The following C12orf42 variants were observed in gnomAD, a reference collection of about 807,000 sequenced individuals.
The protein encoded by C12orf42 is chromosome 12 open reading frame 42.
A neutral mutation model predicts 21.6 loss-of-function variants in C12orf42; 25 were observed. The observed-to-expected ratio is 1.16, with a 90% confidence interval of 0.84 to 1.62. The LOEUF (loss-of-function observed/expected upper bound fraction) is 1.62, where lower values mean the gene tolerates loss of function less well. Ranked by LOEUF, C12orf42 falls within the 40% of genes most tolerant of loss-of-function variation. The pLI, the probability that C12orf42 is intolerant of heterozygous loss-of-function variation, is 0.00. For missense variants in C12orf42, 483 were observed against 459.3 expected (o/e 1.05, Z -0.47); for synonymous variants, 174 against 175.0 (o/e 0.99, Z 0.05).
intron 2 of C12orf42, among the ~76,000 whole-genome samples, chr12:103,426,296 C>T (rs553148075): frequency 3.1e-4 from 47 of 152,202 alleles, no homozygotes; most frequent in African/African-American, 9.4e-4. Flanking sequence ...AAACACAGCA[C>T]GAGAACTTCT....
chr12:103,183,127 G>T, the C12orf42 span, among the ~76,000 whole-genome samples: 2 of 152,186 alleles, frequency 1.3e-5, no homozygotes, highest in African/African-American at 4.8e-5. Context: ...CTGTCGCCAG[G>T]CTGGAGTACA....
chr12:103,234,217 G>T (rs965375527), downstream of C12orf42, among the ~76,000 whole-genome samples: 23 of 151,980 alleles, frequency 1.5e-4, no homozygotes, highest in African/African-American at 5.3e-4. Context: ...TTAAAAGTTT[G>T]TTGCTTTATT....
intron 2 of C12orf42, among the ~76,000 whole-genome samples, chr12:103,422,091 A>G (rs1009710242): frequency 6.6e-6 from 1 of 152,372 alleles, no homozygotes; most frequent in African/African-American, 2.4e-5. Flanking sequence ...TGTTGCTCAG[A>G]AAAGCAACAA....
At chr12:103,350,681 T>C (rs1477566157) in intron 4 of C12orf42, among the ~76,000 whole-genome samples, 1 of 152,144 alleles carries the variant, frequency 6.6e-6, no homozygotes, top group Non-Finnish European at 1.5e-5. Flanking sequence ...ACTCTTATAC[T>C]TTTTCAGTCC....
At chr12:103,161,903 C>G in the C12orf42 span, among the ~76,000 whole-genome samples, 1 of 152,132 alleles carries the variant, frequency 6.6e-6, no homozygotes, top group Non-Finnish European at 1.5e-5. Flanking sequence ...GAAATTGTTT[C>G]TTAGAAAACT....
intron 4 of C12orf42, among the ~76,000 whole-genome samples, chr12:103,337,152 G>T (rs1035427548): frequency 1.3e-5 from 2 of 152,196 alleles, no homozygotes; most frequent in African/African-American, 4.8e-5. Context: ...TCAAGAAGAA[G>T]CCAGAATAAA....
chr12:103,156,782 A>G, the C12orf42 span, among the ~76,000 whole-genome samples: 2 of 152,176 alleles, frequency 1.3e-5, no homozygotes, highest in African/African-American at 4.8e-5. Context: ...AGCTTCATCC[A>G]TGTCCCTGCA....
chr12:103,525,236 C>T, the C12orf42 span, among the ~76,000 whole-genome samples: 537 of 152,130 alleles, frequency 3.5e-3, 1 homozygote, highest in Non-Finnish European at 6.3e-3. Context: ...CACTATGTTG[C>T]CCAGGCTGGT....
chr12:103,499,151 C>A (rs914074168), upstream of C12orf42, among the ~76,000 whole-genome samples: 1 of 152,030 alleles, frequency 6.6e-6, no homozygotes, highest in Non-Finnish European at 1.5e-5. Flanking sequence ...GGGGATAAAC[C>A]TTCAGTTACA....
the C12orf42 span, among the ~76,000 whole-genome samples, chr12:103,143,366 G>A: frequency 4.9e-4 from 74 of 152,324 alleles, no homozygotes; most frequent in African/African-American, 1.4e-3. Context: ...GGATCTGGAG[G>A]AGGCCAGGCT....
intron 3 of C12orf42, among the ~76,000 whole-genome samples, chr12:103,381,506 C>A (rs1479915642): frequency 3.3e-5 from 5 of 152,162 alleles, no homozygotes; most frequent in Non-Finnish European, 7.4e-5. Flanking sequence ...ACAACAACAA[C>A]AGCAATAATA....
At chr12:103,076,289 CTTT>C in the C12orf42 span, among the ~76,000 whole-genome samples, 2 of 140,562 alleles carry the variant, frequency 1.4e-5, no homozygotes, top group Non-Finnish European at 1.6e-5. Context: ...TTACCCAAGC[CTTT>C]TTTTTTTTTT....
chr12:103,463,875 C>T (rs565893091), intron 2 of C12orf42, among the ~76,000 whole-genome samples: 19 of 152,136 alleles, frequency 1.2e-4, no homozygotes, highest in Admixed American at 5.2e-4. Context: ...GCTTCCAGCT[C>T]TATCTGTGTC....
chr12:103,257,179 C>A (rs762767625), intron 10 of C12orf42, among the ~76,000 whole-genome samples: 1 of 152,098 alleles, frequency 6.6e-6, no homozygotes, highest in East Asian at 1.9e-4. Context: ...TAGAGGGAAA[C>A]AACACACACT....
intron 4 of C12orf42, among the ~76,000 whole-genome samples, chr12:103,325,794 G>A (rs899812514): frequency 6.6e-6 from 1 of 152,124 alleles, no homozygotes; most frequent in Non-Finnish European, 1.5e-5. Flanking sequence ...GGCTGGATTT[G>A]TGGCTTGTTT....
At chr12:103,210,126 G>A in the C12orf42 span, among the ~76,000 whole-genome samples, 2 of 151,690 alleles carry the variant, frequency 1.3e-5, no homozygotes, top group Non-Finnish European at 2.9e-5. Flanking sequence ...GTGAAAGATG[G>A]TAATTTTCCA....
chr12:103,494,755 C>T (rs1048061574), intron 1 of C12orf42, among the ~76,000 whole-genome samples: 1 of 152,074 alleles, frequency 6.6e-6, no homozygotes, highest in African/African-American at 2.4e-5. Flanking sequence ...GTGAATAGTG[C>T]CTAGCAGTTT....
chr12:103,110,469 G>T, the C12orf42 span, among the ~76,000 whole-genome samples: 1 of 152,208 alleles, frequency 6.6e-6, no homozygotes, highest in Non-Finnish European at 1.5e-5. Flanking sequence ...TAATGGGAAA[G>T]ATTATCTTCA....
At chr12:103,561,442 G>T in the C12orf42 span, among the ~76,000 whole-genome samples, 3 of 152,182 alleles carry the variant, frequency 2.0e-5, no homozygotes, top group African/African-American at 7.2e-5. Flanking sequence ...CAGTCTTTCG[G>T]TTGCAGACAT....
Sources: allele counts gnomAD v4.1 joint callset (sites outside exome capture counted in the v4.1 genomes callset), GRCh38; gene constraint gnomAD v4.1.1; transcripts MANE v1.5; gene names NCBI Gene and HGNC (gene_info 2026-07-23, HGNC 2026-07-21).